CALCRL: variants seen among roughly 807,000 people sequenced by gnomAD.
CALCRL encodes the protein calcitonin gene-related peptide type 1 receptor.
In CALCRL, 27 loss-of-function variants were observed where a neutral mutation model predicts 60.4. The ratio of observed to expected loss-of-function variants is 0.45; its 90% CI spans 0.33 to 0.62. CALCRL has a LOEUF of 0.62. Ranked by LOEUF, CALCRL falls within the 20% of genes least tolerant of loss-of-function variation. CALCRL has a pLI of 0.03. For missense variants in CALCRL, 424 were observed against 540.7 expected (o/e 0.78, Z 2.14); for synonymous variants, 190 against 182.6 (o/e 1.04, Z -0.33).
chr2:187,410,864 A>AGTGT lies in CALCRL; in HGVS notation c.-292-23112_-292-23109dup, dbSNP rs200644969. Among the ~76,000 whole-genome samples, 3 of 150,088 alleles carry AGTGT rather than the reference A, an allele frequency of 2.0e-5. No individual in the cohort carries two copies. The East Asian group carries it at 6.1e-4, about 30-fold the overall frequency. ...GTTGAGGTAGTCTCAAGAGGCTCAA[A>AGTGT]GTGTGTGTGTGTGTTGGTGTCGGGG... is the stretch of plus-strand genomic sequence containing the variant. On this transcript the variant is annotated intron_variant, in intron 1 of 14. Transcript: ENST00000392370.
Position 187,360,693 on chromosome 2 carries a change from C to G in CALCRL, c.686G>C (p.Trp229Ser), listed in dbSNP as rs1687018246. ...HLYLMGCNYF[W>S]MLCEGIYLHT... is the part of the protein sequence containing the mutation. ...TAGGTAAATGCCTTCACAGAGCATC[C>G]AAAAGTAATTACAGCCCATCAGGTA... Residue 229 changes from tryptophan (W) to serine (S), a missense_variant, in exon 10 of 15, where the codon TGG becomes TCG. Coordinates refer to ENST00000392370, the MANE Select transcript of CALCRL (RefSeq NM_005795.6). 6.2e-7 allele frequency: 1 copy of G among 1,612,356 alleles called. No individual in the cohort carries two copies. Among genetic ancestry groups the G allele is most frequent in the Admixed American group, 1.7e-5 (1 of 59,834 alleles).
chr2:187,387,550 A>G, intron 2 of CALCRL, 57 bp from the exon 3 acceptor site: 1 of 366,166 alleles, frequency 2.7e-6, no homozygotes, highest in Non-Finnish European at 4.8e-6. Context: ...TAATAAAAGT[A>G]GTGTTGTTAT....
chr2:187,444,781 G>T (rs1691092929), intron 1 of CALCRL, among the ~76,000 whole-genome samples: 1 of 151,124 alleles, frequency 6.6e-6, no homozygotes, highest in Non-Finnish European at 1.5e-5. Flanking sequence ...TTGTAATATA[G>T]CTTATTATAA....
chr2:187,366,768 A>G (rs1254441232), intron 8 of CALCRL, among the ~76,000 whole-genome samples: 16 of 151,986 alleles, frequency 1.1e-4, no homozygotes, highest in South Asian at 2.1e-4. Flanking sequence ...ATAAAGTTCA[A>G]TGTCCTCTAT....
intron 8 of CALCRL, among the ~76,000 whole-genome samples, chr2:187,377,461 G>A (rs1207064217): frequency 6.6e-6 from 1 of 152,046 alleles, no homozygotes; most frequent in African/African-American, 2.4e-5. Flanking sequence ...GTAAAGATGG[G>A]TCACTCTGGA....
chr2:187,346,314 G>A lies in CALCRL; in HGVS notation c.1256C>T (p.Ala419Val), dbSNP rs761424831. Reference protein sequence around the residue: ...SFSNSEALRSASYTVSTISDG... With the variant: ...SFSNSEALRSVSYTVSTISDG... ...ACTGATTGTTGACACTGTGTAAGAC[G>A]CACTACGAAGAGCTTCTGAGTTGGA... Residue 419 changes from alanine to valine, a missense_variant, in exon 15 of 15, where the codon GCG (alanine) becomes GTG (valine). Transcript: ENST00000392370. 178 of 1,612,138 alleles carry A rather than the reference G, an allele frequency of 1.1e-4. No individual in the cohort carries two copies. Among genetic ancestry groups the A allele is most frequent in the Non-Finnish European group, 1.4e-4 (167 of 1,178,858 alleles).
rs35276351 is a variant in CALCRL at position 187,375,278 on chromosome 2, CAA to C, written c.500+3660_500+3661del. Among the ~76,000 whole-genome samples, 817 of 115,312 alleles carry C rather than the reference CAA, an allele frequency of 7.1e-3. 7 individuals are homozygous for C. Among genetic ancestry groups the C allele is most frequent in the African/African-American group, 0.023 (698 of 30,300 alleles). The allele number at this position is 115,312 out of a possible 152,430, so 75.6% of individuals were successfully genotyped here. ...TGGGCGACAGAGCGAGACTCCGTCT[CAA>C]AAAAAAAAAAAAAAAAAATTGAGTT... is the stretch of plus-strand genomic sequence containing the variant. On this transcript the variant is annotated intron_variant, in intron 8 of 14. Transcript: ENST00000392370.
At chr2:187,446,557 A>G (rs1691196334) in intron 1 of CALCRL, among the ~76,000 whole-genome samples, 1 of 151,686 alleles carries the variant, frequency 6.6e-6, no homozygotes, top group Non-Finnish European at 1.5e-5. Flanking sequence ...ACCTCCTAAG[A>G]AAATAATCTG....
intron 1 of CALCRL, among the ~76,000 whole-genome samples, chr2:187,438,321 A>G (rs867002853): frequency 6.6e-6 from 1 of 152,210 alleles, no homozygotes; most frequent in Non-Finnish European, 1.5e-5. Flanking sequence ...GAAAACTTCC[A>G]TAACAATACA....
chr2:187,440,820 C>T (rs1206234196), intron 1 of CALCRL, among the ~76,000 whole-genome samples: 2 of 152,028 alleles, frequency 1.3e-5, no homozygotes, highest in Admixed American at 1.3e-4. Flanking sequence ...TAACATGGAA[C>T]ATAGAACAGG....
intron 1 of CALCRL, among the ~76,000 whole-genome samples, chr2:187,443,469 T>G (rs1691022948): frequency 6.6e-6 from 1 of 151,734 alleles, no homozygotes. Flanking sequence ...TGGTAAATTT[T>G]GGGTTCTTAT....
intron 1 of CALCRL, among the ~76,000 whole-genome samples, chr2:187,417,425 G>A (rs1037301704): frequency 1.7e-4 from 26 of 152,008 alleles, no homozygotes; most frequent in Admixed American, 1.4e-3. Flanking sequence ...TTATTGTATA[G>A]ACTTCAATTG....
chr2:187,363,640 A>G, intron 8 of CALCRL, 138 bp from the exon 9 acceptor site: 1 of 888,136 alleles, frequency 1.1e-6, no homozygotes, highest in East Asian at 3.2e-5. Flanking sequence ...AGATCCACTC[A>G]TTACAAAAAT....
At chr2:187,408,487 C>T (rs1689226273) in intron 1 of CALCRL, among the ~76,000 whole-genome samples, 1 of 151,968 alleles carries the variant, frequency 6.6e-6, no homozygotes, top group East Asian at 1.9e-4. Flanking sequence ...ATATTATGTA[C>T]TACATATCTT....
intron 8 of CALCRL, among the ~76,000 whole-genome samples, chr2:187,376,507 T>A (rs1273143746): frequency 6.6e-6 from 1 of 152,130 alleles, no homozygotes; most frequent in African/African-American, 2.4e-5. Context: ...TGATTTGAGA[T>A]TTAAAATTGA....
At chr2:187,447,656 T>C (rs1384525880) in intron 1 of CALCRL, among the ~76,000 whole-genome samples, 1 of 152,078 alleles carries the variant, frequency 6.6e-6, no homozygotes, top group Non-Finnish European at 1.5e-5. Flanking sequence ...GCTGATAACA[T>C]GGAAAGTTTA....
At chr2:187,386,362 GAATC>G (rs1363854333) in intron 3 of CALCRL, among the ~76,000 whole-genome samples, 2 of 151,954 alleles carry the variant, frequency 1.3e-5, no homozygotes, top group African/African-American at 4.8e-5. Flanking sequence ...AATTTCTTGA[GAATC>G]AACATCTATA....
At chr2:187,435,869 C>CGTGTGTGT (rs59728362) in intron 1 of CALCRL, among the ~76,000 whole-genome samples, 4 of 148,484 alleles carry the variant, frequency 2.7e-5, no homozygotes, top group South Asian at 2.2e-4. Flanking sequence ...TTTGTGCGTG[C>CGTGTGTGT]GTGTGTGTGT....
intron 1 of CALCRL, among the ~76,000 whole-genome samples, chr2:187,400,813 A>G (rs929078244): frequency 1.3e-5 from 2 of 151,508 alleles, no homozygotes; most frequent in African/African-American, 4.8e-5. Context: ...ATTCCCATTT[A>G]TACGAAATAT....
Sources: gnomAD v4.1 joint callset for allele counts (sites outside exome capture counted in the v4.1 genomes callset) on GRCh38, gnomAD v4.1.1 for gene constraint, MANE v1.5 for transcripts, NCBI Gene and HGNC (gene_info 2026-07-23, HGNC 2026-07-21) for gene names.